Variants in CACNA1A observed in about 807,000 individuals in gnomAD.
CACNA1A encodes the protein calcium voltage-gated channel subunit alpha1 A.
In CACNA1A, 57 loss-of-function variants were observed where a neutral mutation model predicts 262.4. The observed-to-expected ratio is 0.22, with a 90% CI of 0.18 to 0.27. The LOEUF (loss-of-function observed/expected upper bound fraction) is 0.27. Ranked by LOEUF, CACNA1A falls within the 10% of genes least tolerant of loss-of-function variation. The pLI is 1.00. For missense variants in CACNA1A, 2,526 were observed against 3,562.8 expected (o/e 0.71, Z 7.41); for synonymous variants, 1,431 against 1,419.3 (o/e 1.01, Z -0.18).
chr19:13,356,367 G>A (rs1437362597), intron 6 of CACNA1A, among the ~76,000 whole-genome samples: 1 of 152,194 alleles, frequency 6.6e-6, no homozygotes, highest in Non-Finnish European at 1.5e-5. Context: ...GGCACAGAGA[G>A]GCCAAGCACC....
chr19:13,325,179 C>CTCT (rs999766263), intron 10 of CACNA1A, among the ~76,000 whole-genome samples: 6 of 138,724 alleles, frequency 4.3e-5, no homozygotes, highest in South Asian at 2.4e-4. Context: ...TTCTTTCCTC[C>CTCT]TCTTCTTCTT....
chr19:13,393,486 T>G (rs2059745314), intron 3 of CACNA1A, among the ~76,000 whole-genome samples: 1 of 144,804 alleles, frequency 6.9e-6, no homozygotes, highest in Admixed American at 6.9e-5. Context: ...GTTGGTGCTG[T>G]TTTTTTTTCC....
intron 38 of CACNA1A, among the ~76,000 whole-genome samples, chr19:13,220,623 G>T (rs2055185635): frequency 6.6e-6 from 1 of 152,096 alleles, no homozygotes; most frequent in Non-Finnish European, 1.5e-5. Flanking sequence ...CAGCTTTTTG[G>T]ACTTCTGACC....
rs1568518513 is a variant in CACNA1A at position 13,308,096 on chromosome 19, T to C, written c.1913+24A>G. The C allele has an allele frequency of 6.2e-7, 1 of 1,612,838 alleles. No homozygotes were observed. The highest frequency in any genetic ancestry group is 8.5e-7 in the Non-Finnish European group (1 of 1,179,404). On this transcript the variant is annotated intron_variant, in intron 14 of 46. Coordinates refer to ENST00000360228, the MANE Select transcript of CACNA1A (RefSeq NM_001127222.2). The surrounding 1 kb of genome is among the most constrained non-coding windows in gnomAD (Gnocchi z 4.2). ...GAGCCTGACCCCAGGGAACCAGGAG[T>C]TGGAATTCCTGTGAAGGACTTACTG...
At chr19:13,442,746 T>G (rs975898074) in intron 3 of CACNA1A, among the ~76,000 whole-genome samples, 1 of 152,210 alleles carries the variant, frequency 6.6e-6, no homozygotes, top group Non-Finnish European at 1.5e-5. Flanking sequence ...ACCATGGCGC[T>G]AGGCCAATCT....
rs1064797232 is a variant in CACNA1A, at chr19:13,286,820, G to T, written c.3236C>A (p.Ala1079Asp). 4 of 1,613,446 alleles carry T rather than the reference G, an allele frequency of 2.5e-6. No individual in the cohort carries two copies. The East Asian group carries it at 8.9e-5, about 36-fold the overall frequency. ...KNNKLATAES[A>D]APHGSLGHAG... ...GTGGCCAAGGCTGCCGTGGGGAGCG[G>T]CCGACTCCGCGGTGGCCAGCTTGTT... Residue 1079 changes from alanine to aspartate, a missense_variant, in exon 20 of 47, where the codon GCC (alanine) becomes GAC (aspartate). Around this residue, in one of 17 missense-constraint regions of CACNA1A, gnomAD observed 765 missense variants for 748.6 expected, o/e 1.02. Coordinates refer to ENST00000360228, the MANE Select transcript of CACNA1A (RefSeq NM_001127222.2).
chr19:13,322,500 G>A, intron 10 of CACNA1A, among the ~76,000 whole-genome samples: 1 of 152,070 alleles, frequency 6.6e-6, no homozygotes, highest in East Asian at 1.9e-4. Context: ...GGCAACTCTG[G>A]GAACTCAATA....
At chr19:13,302,977 A>C (rs2057818656) in intron 17 of CACNA1A, among the ~76,000 whole-genome samples, 3 of 152,156 alleles carry the variant, frequency 2.0e-5, no homozygotes, top group Non-Finnish European at 4.4e-5. Flanking sequence ...ATCTTAACTT[A>C]ATAGGGTCCT....
chr19:13,425,750 CT>C (rs1165179318), intron 3 of CACNA1A, among the ~76,000 whole-genome samples: 1 of 152,080 alleles, frequency 6.6e-6, no homozygotes, highest in African/African-American at 2.4e-5. Context: ...CCTCAATGAA[CT>C]CCCTTCAACA....
intron 21 of CACNA1A, chr19:13,283,727 G>C (rs953872000): frequency 5.0e-6 from 1 of 200,920 alleles, no homozygotes; most frequent in East Asian, 1.2e-4. Context: ...AAGGCTTTTC[G>C]ATATTAAATG....
At chr19:13,454,845 G>C (rs1173022949) in intron 2 of CACNA1A, among the ~76,000 whole-genome samples, 1 of 152,140 alleles carries the variant, frequency 6.6e-6, no homozygotes, top group African/African-American at 2.4e-5. Context: ...TGTAGTCCCT[G>C]CTACTCAGGA....
Position 13,212,449 on chromosome 19 carries a change from T to G in CACNA1A, c.6124A>C (p.Thr2042Pro), listed in dbSNP as rs778306374. Reference protein sequence around the residue: ...TQRAQEMFQKTGTWSPEQGPP... With the variant: ...TQRAQEMFQKPGTWSPEQGPP... ...CCTTGTTCCGGACTCCATGTGCCCG[T>G]CTTCTGGAACATCTCCTGGGCACGC... is the stretch of plus-strand genomic sequence containing the variant. The change falls in exon 42 of 47, where the codon ACG (threonine) becomes CCG (proline). Residue 2042 changes from threonine (T) to proline (P), a missense_variant. Thr to Pro is a conservative substitution (Grantham distance 38, BLOSUM62 -1). Transcript: ENST00000360228. This position sits in a 1 kb window ranked among gnomAD's most constrained non-coding sequence, Gnocchi z 5.6. The G allele has an allele frequency of 2.5e-6, 4 of 1,611,004 alleles. No individual in the cohort carries two copies. The South Asian group carries it at 4.4e-5, about 18-fold the overall frequency.
At chr19:13,369,070 G>A (rs1166844821) in intron 4 of CACNA1A, among the ~76,000 whole-genome samples, 1 of 151,604 alleles carries the variant, frequency 6.6e-6, no homozygotes, top group Non-Finnish European at 1.5e-5. Flanking sequence ...AATGTAATGT[G>A]GGTGCTAACA....
At chr19:13,481,457 C>T (rs761988577) in intron 1 of CACNA1A, among the ~76,000 whole-genome samples, 22 of 147,422 alleles carry the variant, frequency 1.5e-4, no homozygotes, top group Non-Finnish European at 2.7e-4. Context: ...GGAAGAAGGC[C>T]GGTTAAGCTT....
Position 13,207,713 on chromosome 19 carries a change from G to A in CACNA1A, c.7121C>T (p.Pro2374Leu), listed in dbSNP as rs1251979751. 5.1e-6 allele frequency: 7 copies of A among 1,362,650 alleles called. No individual in the cohort carries two copies. The highest frequency in any genetic ancestry group is 3.6e-5 in the Admixed American group (1 of 27,726). The allele number at this position is 1,362,650 out of a possible 1,614,324, so 84.4% of individuals were successfully genotyped here. ...GGCCCTGGGGGACTCGCTCCGGGCC[G>A]GGCCTGGGACCCGCCTCTCCATCCT... Reference protein sequence around the residue: ...SPRMERRVPGPARSESPRACR... With the variant: ...SPRMERRVPGLARSESPRACR... Residue 2374 changes from proline (P) to leucine (L), a missense_variant, in exon 47 of 47, where the codon CCG becomes CTG. Physicochemically the swap from Pro to Leu is moderately conservative, Grantham distance 98 (BLOSUM62 -3). Transcript: ENST00000360228. This position sits in a 1 kb window ranked among gnomAD's most constrained non-coding sequence, Gnocchi z 5.7.
chr19:13,406,760 A>G (rs928779623), intron 3 of CACNA1A, among the ~76,000 whole-genome samples: 13 of 151,566 alleles, frequency 8.6e-5, no homozygotes, highest in African/African-American at 3.2e-4. Flanking sequence ...CCCTTCAGCC[A>G]GAGTCATCCT....
intron 6 of CACNA1A, among the ~76,000 whole-genome samples, chr19:13,357,350 G>A (rs1229885808): frequency 6.6e-6 from 1 of 152,186 alleles, no homozygotes; most frequent in East Asian, 1.9e-4. Flanking sequence ...CATACACTAG[G>A]ACCAAGAGGA....
At chr19:13,431,223 G>A (rs1477189515) in intron 3 of CACNA1A, among the ~76,000 whole-genome samples, 1 of 152,004 alleles carries the variant, frequency 6.6e-6, no homozygotes, top group Non-Finnish European at 1.5e-5. Context: ...GGCAAGGACT[G>A]AAGTTAAGAG....
At chr19:13,218,172 C>T (rs1344704126) in intron 38 of CACNA1A, among the ~76,000 whole-genome samples, 1 of 151,830 alleles carries the variant, frequency 6.6e-6, no homozygotes, top group Admixed American at 6.6e-5. Flanking sequence ...CTCACTGCAA[C>T]CTCGGCCTCC....
Sources: gnomAD v4.1 joint callset for allele counts (sites outside exome capture counted in the v4.1 genomes callset) on GRCh38, gnomAD v4.1.1 for gene constraint, gnomAD v4.1.1 regional missense constraint, Gnocchi (gnomAD v3.1) non-coding constraint, MANE v1.5 for transcripts, NCBI Gene and HGNC (gene_info 2026-07-23, HGNC 2026-07-21) for gene names.